The following IL1RAPL1 variants were observed in gnomAD, a reference collection of about 807,000 sequenced individuals.
The protein encoded by IL1RAPL1 is interleukin 1 receptor accessory protein like 1.
IL1RAPL1 carries 3 observed loss-of-function variants against 48.4 expected under a neutral mutation model. The observed-to-expected ratio is 0.06, with a 90% CI of 0.03 to 0.16. The LOEUF (loss-of-function observed/expected upper bound fraction) is 0.16. Ranked by LOEUF, IL1RAPL1 falls within the 10% of genes least tolerant of loss-of-function variation. The pLI is 1.00. For missense variants in IL1RAPL1, 349 were observed against 530.6 expected (o/e 0.66, Z 3.36); for synonymous variants, 185 against 187.7 (o/e 0.99, Z 0.12).
chrX:29,864,456 G>A (rs191791677), intron 6 of IL1RAPL1, among the ~76,000 whole-genome samples: 139 of 111,794 alleles, frequency 1.2e-3, no homozygotes, highest in Non-Finnish European at 1.7e-3. Flanking sequence ...TTCTTAGAAT[G>A]GGTTGTTAGA....
Position 29,108,228 on chromosome X carries a change from G to C in IL1RAPL1, c.83-174710G>C, listed in dbSNP as rs145945273. On this transcript the variant is annotated intron_variant, in intron 2 of 10. Coordinates refer to ENST00000378993, the MANE Select transcript of IL1RAPL1 (RefSeq NM_014271.4). ...TCAGGCTTCTTTTCTTCAACATTAT[G>C]CTTGTGAGATTTACTCACACTGTGG... 1.2e-4 allele frequency among the ~76,000 whole-genome samples: 13 copies of C among 111,434 alleles called. No individual in the cohort carries two copies. The East Asian group carries it at 3.1e-3, about 27-fold the overall frequency.
chrX:29,336,183 G>A (rs1213728201), intron 3 of IL1RAPL1, among the ~76,000 whole-genome samples: 2 of 97,761 alleles, frequency 2.0e-5, no homozygotes, highest in African/African-American at 7.2e-5. Context: ...TAGAAAAGGT[G>A]TGTGTGTATA....
intron 2 of IL1RAPL1, among the ~76,000 whole-genome samples, chrX:29,080,998 C>CTTTCTT (rs1569232808): frequency 3.4e-4 from 15 of 44,756 alleles, no homozygotes; most frequent in Admixed American, 1.3e-3. Flanking sequence ...CTTTCTTTCT[C>CTTTCTT]TCTCTCTCTC....
intron 2 of IL1RAPL1, among the ~76,000 whole-genome samples, chrX:28,960,381 A>G (rs1194565405): frequency 8.9e-6 from 1 of 112,001 alleles, no homozygotes; most frequent in Non-Finnish European, 1.9e-5. Flanking sequence ...TGGAATATCA[A>G]AAGACAGAGG....
intron 5 of IL1RAPL1, among the ~76,000 whole-genome samples, chrX:29,404,120 A>G (rs1396799328): frequency 8.9e-6 from 1 of 112,146 alleles, no homozygotes; most frequent in Non-Finnish European, 1.9e-5. Context: ...GTGAAGTTCT[A>G]TGAGTTTAAA....
chrX:28,615,199 G>GTT (rs778402885), intron 1 of IL1RAPL1, among the ~76,000 whole-genome samples: 832 of 25,986 alleles, frequency 0.032, 124 homozygotes, highest in East Asian at 0.046. Context: ...ACTGTTGTCT[G>GTT]TTTTTTTTTT....
chrX:29,095,514 G>A (rs747940775), intron 2 of IL1RAPL1, among the ~76,000 whole-genome samples: 1 of 111,798 alleles, frequency 8.9e-6, no homozygotes, highest in East Asian at 2.8e-4. Context: ...AATGAACAAA[G>A]CCCATTAATC....
At chrX:28,892,513 C>T (rs144464470) in intron 2 of IL1RAPL1, among the ~76,000 whole-genome samples, 1,323 of 111,117 alleles carry the variant, frequency 0.012, 17 homozygotes, top group African/African-American at 0.04. Context: ...TCAGGCCATC[C>T]GGATGTATAT....
chrX:29,542,607 A>G (rs1013822831), intron 5 of IL1RAPL1, among the ~76,000 whole-genome samples: 1 of 111,957 alleles, frequency 8.9e-6, no homozygotes, highest in Non-Finnish European at 1.9e-5. Context: ...ATAGTTTAGC[A>G]CTTAATCTTT....
At chrX:29,475,848 T>C (rs1039195465) in intron 5 of IL1RAPL1, among the ~76,000 whole-genome samples, 5 of 110,545 alleles carry the variant, frequency 4.5e-5, no homozygotes, top group African/African-American at 1.7e-4. Context: ...TTTTTTTTTA[T>C]GTAGTTTCTT....
chrX:28,672,960 C>A (rs950987400), intron 1 of IL1RAPL1, among the ~76,000 whole-genome samples: 3 of 111,488 alleles, frequency 2.7e-5, no homozygotes, highest in Admixed American at 1.9e-4. Context: ...TCCCACCCTC[C>A]ACCTTCTGAA....
intron 2 of IL1RAPL1, among the ~76,000 whole-genome samples, chrX:29,208,703 T>A (rs1482885977): frequency 8.7e-5 from 8 of 92,437 alleles, no homozygotes; most frequent in African/African-American, 3.9e-4. Flanking sequence ...AGAGCAAGAT[T>A]CCAAAAATAA....
At chrX:29,714,450 T>C (rs1488643481) in intron 6 of IL1RAPL1, among the ~76,000 whole-genome samples, 1 of 112,050 alleles carries the variant, frequency 8.9e-6, no homozygotes, top group African/African-American at 3.2e-5. Context: ...GAACCTAAAT[T>C]ACAGAAAAAT....
At chrX:29,607,787 C>T (rs1016183083) in intron 5 of IL1RAPL1, among the ~76,000 whole-genome samples, 28 of 111,656 alleles carry the variant, frequency 2.5e-4, no homozygotes, top group Middle Eastern at 4.6e-3. Flanking sequence ...TCTTCCTCAT[C>T]TCATGTTATA....
intron 2 of IL1RAPL1, among the ~76,000 whole-genome samples, chrX:28,907,840 G>A (rs1311631506): frequency 8.9e-6 from 1 of 111,874 alleles, no homozygotes; most frequent in Non-Finnish European, 1.9e-5. Context: ...ATGTTTGGTA[G>A]AATTTCCTGG....
At chrX:29,858,468 A>G (rs1355232792) in intron 6 of IL1RAPL1, among the ~76,000 whole-genome samples, 2 of 111,401 alleles carry the variant, frequency 1.8e-5, no homozygotes, top group African/African-American at 6.5e-5. Flanking sequence ...AGCCTGAAAA[A>G]GCCCAATGCC....
At chrX:28,711,804 G>A (rs1338901381) in intron 1 of IL1RAPL1, among the ~76,000 whole-genome samples, 5 of 107,744 alleles carry the variant, frequency 4.6e-5, no homozygotes, top group African/African-American at 1.3e-4. Context: ...TATAATAAAT[G>A]TATAATGGTT....
intron 1 of IL1RAPL1, among the ~76,000 whole-genome samples, chrX:28,610,459 C>T (rs1934133582): frequency 8.9e-6 from 1 of 112,269 alleles, no homozygotes; most frequent in African/African-American, 3.2e-5. Context: ...TGAATGCATT[C>T]CGGTGCCAAT....
intron 5 of IL1RAPL1, among the ~76,000 whole-genome samples, chrX:29,547,026 A>G (rs1226437686): frequency 9.0e-6 from 1 of 111,578 alleles, no homozygotes; most frequent in Non-Finnish European, 1.9e-5. Context: ...GGTCTGCTAT[A>G]TTTTTGGCTG....
Sources: allele counts gnomAD v4.1 joint callset (sites outside exome capture counted in the v4.1 genomes callset), GRCh38; gene constraint gnomAD v4.1.1; transcripts MANE v1.5; gene names NCBI Gene and HGNC (gene_info 2026-07-23, HGNC 2026-07-21).